RIMS2: variants seen among roughly 807,000 people sequenced by gnomAD.
The protein encoded by RIMS2 is regulating synaptic membrane exocytosis 2.
RIMS2 carries 59 observed loss-of-function variants against 174.4 expected under a neutral mutation model. The observed-to-expected ratio is 0.34, with a 90% confidence interval of 0.27 to 0.42. The LOEUF is 0.42. Among genes scored for constraint, RIMS2 ranks in the 10% least tolerant of loss-of-function variants. The probability of loss-of-function intolerance (pLI) is 1.00; values close to 1 mark genes in which losing one functional copy is unlikely to be tolerated. For missense variants in RIMS2, 1,620 were observed against 1,666.3 expected, an observed-to-expected ratio of 0.97 and a Z score of 0.48; for synonymous variants, 606 against 572.5, an observed-to-expected ratio of 1.06 and a Z score of -0.84.
At chr8:104,069,044 G>A (rs114546183) in intron 19 of RIMS2, among the ~76,000 whole-genome samples, 4,447 of 152,212 alleles carry the variant, frequency 0.029, 184 homozygotes, top group African/African-American at 0.096. Context: ...TTTGACTTTA[G>A]GGTAGTGTAA....
chr8:103,856,370 G>A (rs913271246), intron 3 of RIMS2, among the ~76,000 whole-genome samples: 6 of 152,098 alleles, frequency 3.9e-5, no homozygotes, highest in African/African-American at 7.2e-5. Context: ...TTGCTGTGTC[G>A]CAAAGCACTT....
chr8:103,777,089 C>T (rs2098326534), intron 3 of RIMS2, among the ~76,000 whole-genome samples: 1 of 152,052 alleles, frequency 6.6e-6, no homozygotes, highest in Admixed American at 6.6e-5. Flanking sequence ...TTTCATTATG[C>T]AACAGTCATG....
At chr8:103,837,673 C>T (rs2098909119) in intron 3 of RIMS2, among the ~76,000 whole-genome samples, 1 of 152,158 alleles carries the variant, frequency 6.6e-6, no homozygotes, top group Non-Finnish European at 1.5e-5. Context: ...CATCCATGTT[C>T]CTACAAAGGA....
chr8:103,953,378 G>A (rs2086051924), intron 14 of RIMS2, among the ~76,000 whole-genome samples: 1 of 152,190 alleles, frequency 6.6e-6, no homozygotes, highest in South Asian at 2.1e-4. Context: ...ACAAAGGGAA[G>A]CCCATCAGAG....
chr8:103,681,469 G>A (rs929479298), intron 1 of RIMS2, among the ~76,000 whole-genome samples: 4 of 152,082 alleles, frequency 2.6e-5, no homozygotes, highest in South Asian at 2.1e-4. Context: ...AGAACCAAGC[G>A]TGGACCAGTG....
chr8:104,193,596 A>G (rs1306944966), intron 19 of RIMS2, among the ~76,000 whole-genome samples: 6 of 152,214 alleles, frequency 3.9e-5, no homozygotes, highest in Non-Finnish European at 5.9e-5. Flanking sequence ...CTGTATCACA[A>G]CATTTCTGCC....
At chr8:103,855,366 TTTTAG>T (rs2154494657) in intron 3 of RIMS2, among the ~76,000 whole-genome samples, 1 of 152,166 alleles carries the variant, frequency 6.6e-6, no homozygotes, top group South Asian at 2.1e-4. Flanking sequence ...TCTTCTCTAA[TTTTAG>T]TTATTTCTTT....
chr8:104,152,652 A>G (rs2098696703), intron 19 of RIMS2, among the ~76,000 whole-genome samples: 1 of 152,114 alleles, frequency 6.6e-6, no homozygotes, highest in South Asian at 2.1e-4. Context: ...GTCATTATCT[A>G]CAATAATGAA....
intron 19 of RIMS2, among the ~76,000 whole-genome samples, chr8:104,221,726 G>C (rs1265636507): frequency 3.3e-5 from 5 of 152,108 alleles, no homozygotes; most frequent in African/African-American, 9.7e-5. Flanking sequence ...TTCTTACCAT[G>C]GAACTCTTAT....
chr8:103,503,962 G>A (rs1821981479), intron 1 of RIMS2, among the ~76,000 whole-genome samples: 1 of 152,002 alleles, frequency 6.6e-6, no homozygotes, highest in African/African-American at 2.4e-5. Context: ...TCAAAGTCCA[G>A]CTGAACATCC....
intron 19 of RIMS2, among the ~76,000 whole-genome samples, chr8:104,057,761 T>TC (rs1300116755): frequency 2.4e-5 from 3 of 127,340 alleles, no homozygotes; most frequent in Non-Finnish European, 4.8e-5. Flanking sequence ...ATGTTCCCCT[T>TC]CCTGTGTCCA....
At chr8:103,756,697 C>T (rs982384213) in intron 2 of RIMS2, among the ~76,000 whole-genome samples, 7 of 152,012 alleles carry the variant, frequency 4.6e-5, no homozygotes, top group Non-Finnish European at 8.8e-5. Context: ...AGTGCTAGGA[C>T]TATAGGCATA....
chr8:104,189,188 T>G (rs2098984715), intron 19 of RIMS2, among the ~76,000 whole-genome samples: 2 of 151,854 alleles, frequency 1.3e-5, no homozygotes, highest in South Asian at 4.2e-4. Flanking sequence ...TCTATGGGAA[T>G]CAAAGAAAGA....
intron 15 of RIMS2, among the ~76,000 whole-genome samples, chr8:103,966,076 A>C (rs1379028762): frequency 6.6e-6 from 1 of 152,108 alleles, no homozygotes; most frequent in Non-Finnish European, 1.5e-5. Context: ...AGTAATGTTC[A>C]TGAGAGATGT....
At chr8:104,038,747 G>T (rs2154557317) in intron 19 of RIMS2, among the ~76,000 whole-genome samples, 1 of 151,872 alleles carries the variant, frequency 6.6e-6, no homozygotes, top group Non-Finnish European at 1.5e-5. Context: ...TTAAAATGAG[G>T]CTGTTTAAAT....
At chr8:104,106,425 A>G (rs1353056819) in intron 19 of RIMS2, among the ~76,000 whole-genome samples, 1 of 152,042 alleles carries the variant, frequency 6.6e-6, no homozygotes, top group Non-Finnish European at 1.5e-5. Context: ...AGAGTTATAT[A>G]CATTAAAAAT....
chr8:103,656,871 C>T (rs1461901373), intron 1 of RIMS2, among the ~76,000 whole-genome samples: 3 of 152,116 alleles, frequency 2.0e-5, no homozygotes, highest in African/African-American at 7.2e-5. Context: ...GCGGTCCTAG[C>T]CTTAGGGAAG....
chr8:104,019,406 T>C (rs2096023342), intron 19 of RIMS2, among the ~76,000 whole-genome samples: 1 of 152,128 alleles, frequency 6.6e-6, no homozygotes, highest in African/African-American at 2.4e-5. Flanking sequence ...AATAATAGAG[T>C]GTACTTTTTG....
At chr8:104,016,748 ATGT>A (rs1314507683) in intron 19 of RIMS2, among the ~76,000 whole-genome samples, 1 of 152,062 alleles carries the variant, frequency 6.6e-6, no homozygotes, top group Non-Finnish European at 1.5e-5. Flanking sequence ...TGAATTTTTA[ATGT>A]TGTTCATAGC....
Sources: gnomAD v4.1 joint callset for allele counts (sites outside exome capture counted in the v4.1 genomes callset) on GRCh38, gnomAD v4.1.1 for gene constraint, MANE v1.5 for transcripts, NCBI Gene and HGNC (gene_info 2026-07-23, HGNC 2026-07-21) for gene names.